ERBB4: variants seen among roughly 807,000 people sequenced by gnomAD.
ERBB4 encodes erb-b2 receptor tyrosine kinase 4.
A neutral mutation model predicts 158.0 loss-of-function variants in ERBB4; 42 were observed. The ratio of observed to expected loss-of-function variants is 0.27; its 90% CI spans 0.21 to 0.34. The LOEUF is 0.34. Among genes scored for constraint, ERBB4 ranks in the 10% least tolerant of loss-of-function variants. ERBB4 has a pLI of 1.00. For missense variants in ERBB4, 1,333 were observed against 1,624.1 expected (o/e 0.82, Z 3.08); for synonymous variants, 583 against 558.7 (o/e 1.04, Z -0.61).
At chr2:212,021,155 A>T (rs1305540210) in intron 2 of ERBB4, among the ~76,000 whole-genome samples, 1 of 152,076 alleles carries the variant, frequency 6.6e-6, no homozygotes, top group Non-Finnish European at 1.5e-5. Context: ...TACCTTTTTG[A>T]TCCAGACATA....
chr2:211,922,444 C>A (rs2125079986), intron 3 of ERBB4, among the ~76,000 whole-genome samples: 1 of 151,436 alleles, frequency 6.6e-6, no homozygotes, highest in African/African-American at 2.4e-5. Flanking sequence ...AGTTTATCAA[C>A]TTTTTTTTTC....
At chr2:211,418,638 A>C (rs1285762964) in intron 25 of ERBB4, among the ~76,000 whole-genome samples, 2 of 152,148 alleles carry the variant, frequency 1.3e-5, no homozygotes, top group African/African-American at 4.8e-5. Flanking sequence ...AATTCTTATA[A>C]AAAGAAAAAG....
intron 2 of ERBB4, among the ~76,000 whole-genome samples, chr2:211,955,202 T>C (rs752473204): frequency 3.3e-5 from 5 of 152,036 alleles, no homozygotes; most frequent in Non-Finnish European, 5.9e-5. Context: ...CCAGCTAGTC[T>C]CTTGGGTGCT....
intron 3 of ERBB4, among the ~76,000 whole-genome samples, chr2:211,831,413 C>T (rs899058059): frequency 1.2e-4 from 19 of 152,114 alleles, no homozygotes; most frequent in African/African-American, 4.6e-4. Context: ...AGCCAGATGT[C>T]ACCCCAAATC....
chr2:212,401,850 T>C (rs2091215948), intron 1 of ERBB4, among the ~76,000 whole-genome samples: 1 of 152,042 alleles, frequency 6.6e-6, no homozygotes, highest in Non-Finnish European at 1.5e-5. Flanking sequence ...CCTATCAGAA[T>C]GGGTAAAATA....
intron 2 of ERBB4, among the ~76,000 whole-genome samples, chr2:212,079,946 T>A (rs1286592217): frequency 6.6e-6 from 1 of 152,100 alleles, no homozygotes; most frequent in African/African-American, 2.4e-5. Flanking sequence ...TAACTGTTGT[T>A]CTAAATCTTA....
intron 3 of ERBB4, among the ~76,000 whole-genome samples, chr2:211,795,215 A>G (rs1373822963): frequency 6.6e-6 from 1 of 151,852 alleles, no homozygotes; most frequent in Non-Finnish European, 1.5e-5. Flanking sequence ...ACGGCTTTGA[A>G]TTGTAAAGGC....
chr2:211,814,918 T>C (rs2118891), intron 3 of ERBB4, among the ~76,000 whole-genome samples: 9,818 of 152,256 alleles, frequency 0.064, 631 homozygotes, highest in East Asian at 0.27. Context: ...TTTATACACA[T>C]GAATACACCA....
chr2:212,434,912 G>A (rs2092104484), intron 1 of ERBB4, among the ~76,000 whole-genome samples: 1 of 151,864 alleles, frequency 6.6e-6, no homozygotes. Flanking sequence ...TTATTCATTT[G>A]CAGAAGAAGA....
intron 1 of ERBB4, among the ~76,000 whole-genome samples, chr2:212,488,160 CCT>C (rs1690078376): frequency 1.3e-5 from 2 of 151,982 alleles, no homozygotes; most frequent in African/African-American, 2.4e-5. Flanking sequence ...TTCTTCTTGC[CCT>C]CTCTGTGCTA....
At chr2:211,875,958 G>A (rs1411856461) in intron 3 of ERBB4, among the ~76,000 whole-genome samples, 1 of 152,086 alleles carries the variant, frequency 6.6e-6, no homozygotes, top group African/African-American at 2.4e-5. Flanking sequence ...ATTTAGATTT[G>A]TGTAAATACA....
At chr2:211,972,244 A>C (rs1047723764) in intron 2 of ERBB4, among the ~76,000 whole-genome samples, 1 of 152,230 alleles carries the variant, frequency 6.6e-6, no homozygotes, top group Non-Finnish European at 1.5e-5. Context: ...CTGCTCAAAG[A>C]AGTCAGAGAT....
chr2:211,653,835 C>T (rs1485276201), intron 16 of ERBB4, among the ~76,000 whole-genome samples: 4 of 151,734 alleles, frequency 2.6e-5, no homozygotes, highest in South Asian at 2.1e-4. Context: ...CCACCACGCC[C>T]GGCTAATTTT....
At chr2:211,723,448 A>G (rs1192798363) in intron 6 of ERBB4, among the ~76,000 whole-genome samples, 1 of 152,216 alleles carries the variant, frequency 6.6e-6, no homozygotes, top group Non-Finnish European at 1.5e-5. Context: ...TATGATTTAC[A>G]TTTAATCATA....
chr2:211,676,235 A>G lies in ERBB4; in HGVS notation c.1622+2817T>C, dbSNP rs549371942. The stretch of plus-strand genomic sequence containing the variant: ...TCACTGGGCAGGCAAGAATTGCACC[A>G]GTCTTTTACAAGATACGTAAGTTGA... On this transcript the variant is annotated intron_variant, in intron 13 of 27. Transcript: ENST00000342788. Among the ~76,000 whole-genome samples the G allele has an allele frequency of 1.4e-4, 21 of 152,330 alleles. No individual in the cohort carries two copies. In the East Asian group the frequency reaches 4.0e-3, roughly 29 times the overall value.
Position 212,349,742 on chromosome 2 carries a change from G to A in ERBB4, c.82+188707C>T, listed in dbSNP as rs73987385. 6.0e-3 allele frequency among the ~76,000 whole-genome samples: 919 copies of A among 152,162 alleles called. 5 individuals carry two copies. The highest frequency in any genetic ancestry group is 0.018 in the African/African-American group (751 of 41,520). On this transcript the variant is annotated intron_variant, in intron 1 of 27. Coordinates refer to ENST00000342788, the MANE Select transcript of ERBB4 (RefSeq NM_005235.3). ...AGGGAGTAGAAGTTGCAGTTATCCC[G>A]TAGTAAAGCAATTGCTTTCCTAAAA...
At chr2:212,002,031 G>C (rs888843671) in intron 2 of ERBB4, among the ~76,000 whole-genome samples, 1 of 152,074 alleles carries the variant, frequency 6.6e-6, no homozygotes, top group Non-Finnish European at 1.5e-5. Flanking sequence ...GCACATATTT[G>C]AATGTTACTG....
At chr2:212,115,527 C>A (rs1159602805) in intron 2 of ERBB4, among the ~76,000 whole-genome samples, 1 of 152,132 alleles carries the variant, frequency 6.6e-6, no homozygotes, top group Non-Finnish European at 1.5e-5. Flanking sequence ...ATTGTGTTCT[C>A]TCTCTTTGAA....
At chr2:211,524,375 C>T (rs1319118542) in intron 20 of ERBB4, among the ~76,000 whole-genome samples, 1 of 152,004 alleles carries the variant, frequency 6.6e-6, no homozygotes, top group Non-Finnish European at 1.5e-5. Context: ...CGCCATGCGC[C>T]CACACTCCTC....
Sources: gnomAD v4.1 joint callset for allele counts (sites outside exome capture counted in the v4.1 genomes callset) on GRCh38, gnomAD v4.1.1 for gene constraint, MANE v1.5 for transcripts, NCBI Gene and HGNC (gene_info 2026-07-23, HGNC 2026-07-21) for gene names.